The following DENND5A variants were observed in gnomAD, a reference collection of about 807,000 sequenced individuals.
DENND5A encodes the protein DENN domain containing 5A, also known as DENN domain-containing protein 5A.
A neutral mutation model predicts 140.3 loss-of-function variants in DENND5A; 64 were observed. The ratio of observed to expected loss-of-function variants is 0.46; its 90% CI spans 0.37 to 0.56. The LOEUF is 0.56. DENND5A is among the 20% of genes least tolerant of loss of function. The pLI is 0.00. For missense variants in DENND5A, 1,292 were observed against 1,593.8 expected (o/e 0.81, Z 3.22); for synonymous variants, 605 against 607.7 (o/e 1.00, Z 0.07).
At chr11:9,185,047 C>T (rs927585059) in intron 5 of DENND5A, among the ~76,000 whole-genome samples, 3 of 151,998 alleles carry the variant, frequency 2.0e-5, no homozygotes, top group Admixed American at 1.3e-4. Context: ...AAAAATTAGC[C>T]GGGCATTGTG....
intron 15 of DENND5A, among the ~76,000 whole-genome samples, chr11:9,148,050 G>C (rs144038189): frequency 6.6e-6 from 1 of 152,320 alleles, no homozygotes; most frequent in East Asian, 1.9e-4. Flanking sequence ...GGAGAGGAAA[G>C]CGCCTATCCT....
chr11:9,232,829 C>T (rs539625084), intron 1 of DENND5A, among the ~76,000 whole-genome samples: 14 of 152,282 alleles, frequency 9.2e-5, no homozygotes, highest in Non-Finnish European at 1.8e-4. Flanking sequence ...ATGAGCCTAT[C>T]AACTGCAGAA....
At chr11:9,239,192 T>TATTC (rs1190364401) in intron 1 of DENND5A, among the ~76,000 whole-genome samples, 1 of 151,762 alleles carries the variant, frequency 6.6e-6, no homozygotes, top group African/African-American at 2.4e-5. Flanking sequence ...CTCAACATTT[T>TATTC]ATTTATTTAT....
At position 9,265,177 on chromosome 11, in the gene DENND5A, C is replaced by T. The variant is rs1852393322; in HGVS notation, c.-108G>A. On this transcript the variant is annotated 5_prime_UTR_variant, in exon 1 of 23. Transcript: ENST00000328194. This position sits in a 1 kb window ranked among gnomAD's most constrained non-coding sequence, Gnocchi z 4.7. The stretch of plus-strand genomic sequence containing the variant: ...CCGCCCCTCCCGCCGCCGCCGCTAC[C>T]GCGGCTCGGGCCGCCGCCCCCGGCC... 1 of 567,456 alleles carries T rather than the reference C, an allele frequency of 1.8e-6. No homozygotes were observed. The highest frequency in any genetic ancestry group is 2.2e-6 in the Non-Finnish European group (1 of 446,034). The allele number at this position is 567,456 out of a possible 1,614,324, so 35.2% of individuals were successfully genotyped here. A position where few individuals can be genotyped will look rare whatever the true frequency, so the allele number is the denominator to read the frequency against.
intron 5 of DENND5A, 126 bp from the exon 6 acceptor site, chr11:9,181,210 A>G (rs564926750): frequency 5.3e-6 from 4 of 754,316 alleles, no homozygotes; most frequent in East Asian, 2.7e-5. Flanking sequence ...GAGATATGGT[A>G]TAAGGAAGAT....
chr11:9,149,108 A>G (rs1284102330), intron 15 of DENND5A, among the ~76,000 whole-genome samples: 2 of 152,224 alleles, frequency 1.3e-5, no homozygotes, highest in Non-Finnish European at 2.9e-5. Context: ...TAGGCTCCCT[A>G]TATGGGAGCT....
chr11:9,196,620 AT>A (rs1403288691), intron 4 of DENND5A, among the ~76,000 whole-genome samples: 2 of 151,758 alleles, frequency 1.3e-5, no homozygotes, highest in African/African-American at 4.8e-5. Flanking sequence ...TTTATTTATT[AT>A]TTTATTGGAG....
At chr11:9,150,533 T>G in intron 14 of DENND5A, 147 bp downstream of exon 14, 1 of 633,914 alleles carries the variant, frequency 1.6e-6, no homozygotes, top group South Asian at 2.1e-5. Context: ...AAATGTATTA[T>G]GAAACACAAG....
At chr11:9,204,495 G>A (rs1253826544) in intron 3 of DENND5A, among the ~76,000 whole-genome samples, 178 bp from the exon 4 acceptor site, 1 of 152,144 alleles carries the variant, frequency 6.6e-6, no homozygotes, top group Admixed American at 6.5e-5. Flanking sequence ...GCAGTCATCA[G>A]GGATATACAA....
At chr11:9,233,456 T>C (rs1461600916) in intron 1 of DENND5A, among the ~76,000 whole-genome samples, 1 of 150,706 alleles carries the variant, frequency 6.6e-6, no homozygotes, top group African/African-American at 2.5e-5. Flanking sequence ...CTGGAGTGGG[T>C]TGAATGGTGG....
At chr11:9,232,181 T>C (rs955057498) in intron 1 of DENND5A, among the ~76,000 whole-genome samples, 2 of 152,138 alleles carry the variant, frequency 1.3e-5, no homozygotes, top group African/African-American at 4.8e-5. Context: ...TTCATGATCC[T>C]GCAATAACAA....
intron 16 of DENND5A, 48 bp from the exon 17 acceptor site, chr11:9,145,863 C>T: frequency 6.2e-7 from 1 of 1,605,106 alleles, no homozygotes; most frequent in Non-Finnish European, 8.5e-7. Context: ...AGGAATCTTT[C>T]CCATACCAGA....
At chr11:9,238,529 G>C (rs900438689) in intron 1 of DENND5A, among the ~76,000 whole-genome samples, 1 of 150,872 alleles carries the variant, frequency 6.6e-6, no homozygotes. Context: ...CCATTCTCCT[G>C]CATCAGCTTC....
chr11:9,203,604 C>A, intron 4 of DENND5A, 56 bp downstream of exon 4: 1 of 1,544,942 alleles, frequency 6.5e-7, no homozygotes, highest in South Asian at 1.3e-5. Flanking sequence ...TGTATCTGAA[C>A]ATGGAAAGCA....
Position 9,170,762 on chromosome 11 carries a change from A to G in DENND5A, c.1922T>C (p.Leu641Pro). Residue 641 changes from leucine to proline, a missense_variant, in exon 9 of 23, where the codon CTG becomes CCG. Leu to Pro is a moderately conservative substitution (Grantham distance 98). This residue lies in a region of DENND5A where 199 missense variants were observed against 189.1 expected (regional missense o/e 1.05). Transcript: ENST00000328194. Reference protein sequence around the residue: ...TVDEAEKAIELRLAKIDHTAI... With the variant: ...TVDEAEKAIEPRLAKIDHTAI... ...AGTATGGTCAATTTTTGCCAGACGC[A>G]GCTCAATTGCTTTCTCTGGATGAGA... is the stretch of plus-strand genomic sequence containing the variant. The G allele has an allele frequency of 6.2e-7, 1 of 1,613,688 alleles. No individual in the cohort carries two copies. Among genetic ancestry groups the G allele is most frequent in the Non-Finnish European group, 8.5e-7 (1 of 1,179,952 alleles).
chr11:9,209,258 C>T (rs547682103), intron 1 of DENND5A, among the ~76,000 whole-genome samples: 15 of 152,266 alleles, frequency 9.9e-5, no homozygotes, highest in South Asian at 2.1e-4. Context: ...ACCCTAAATG[C>T]GCCTGATCTC....
At chr11:9,216,403 G>A (rs1850095377) in intron 1 of DENND5A, among the ~76,000 whole-genome samples, 1 of 152,200 alleles carries the variant, frequency 6.6e-6, no homozygotes, top group Non-Finnish European at 1.5e-5. Flanking sequence ...AACAATGGAG[G>A]ATGGGGAGTG....
intron 11 of DENND5A, among the ~76,000 whole-genome samples, chr11:9,163,792 A>C (rs1197610605): frequency 1.3e-5 from 2 of 148,666 alleles, no homozygotes; most frequent in African/African-American, 5.0e-5. Flanking sequence ...TGACACAGTG[A>C]GACTCCATCT....
In DENND5A at chr11:9,155,280, G is replaced by C. The variant is rs1590213776; in HGVS notation, c.2437-2838C>G. On this transcript the variant is annotated intron_variant, in intron 12 of 22. Coordinates refer to ENST00000328194, the MANE Select transcript of DENND5A (RefSeq NM_015213.4). ...CATCTACCACAACCATTAGAAAGTAGGCTCCCCAGCATCTAGGCAGACTAG... is the reference window on the plus strand; with the variant it reads ...CATCTACCACAACCATTAGAAAGTACGCTCCCCAGCATCTAGGCAGACTAG... Among the ~76,000 whole-genome samples the C allele has an allele frequency of 2.6e-5, 4 of 152,188 alleles. No individual in the cohort carries two copies. The South Asian group carries it at 8.3e-4, about 32-fold the overall frequency.
Sources: gnomAD v4.1 joint callset for allele counts (sites outside exome capture counted in the v4.1 genomes callset) on GRCh38, gnomAD v4.1.1 for gene constraint, gnomAD v4.1.1 regional missense constraint, Gnocchi (gnomAD v3.1) non-coding constraint, MANE v1.5 for transcripts, NCBI Gene and HGNC (gene_info 2026-07-23, HGNC 2026-07-21) for gene names.